The following MTMR3 variants were observed in gnomAD, a reference collection of about 807,000 sequenced individuals.
MTMR3 encodes myotubularin related protein 3.
MTMR3 carries 32 observed loss-of-function variants against 132.4 expected under a neutral mutation model. The observed-to-expected ratio is 0.24, with a 90% CI of 0.18 to 0.32. The LOEUF (loss-of-function observed/expected upper bound fraction) is 0.32. Ranked by LOEUF, MTMR3 falls within the 10% of genes least tolerant of loss-of-function variation. The pLI is 1.00. For missense variants in MTMR3, 1,216 were observed against 1,489.6 expected (o/e 0.82, Z 3.02); for synonymous variants, 556 against 550.3 (o/e 1.01, Z -0.14).
At chr22:29,979,094 AAAGT>A in intron 5 of MTMR3, 42 bp downstream of exon 5, 3 of 1,347,228 alleles carry the variant, frequency 2.2e-6, no homozygotes, top group Non-Finnish European at 2.1e-6. Flanking sequence ...GTAAATGGAG[AAAGT>A]AAGTCAAAAA....
chr22:30,007,544 C>A, intron 10 of MTMR3: 1 of 595,198 alleles, frequency 1.7e-6, no homozygotes, highest in Non-Finnish European at 2.9e-6. Flanking sequence ...TCTTTCTTGC[C>A]ATTGTGACAA....
chr22:29,983,471 A>G (rs967744881), intron 5 of MTMR3: 12 of 151,626 alleles, frequency 7.9e-5, no homozygotes, highest in African/African-American at 2.9e-4. Context: ...GTTAGCCACC[A>G]CACCCTGCTG....
rs77551124 is a variant in MTMR3 at position 29,909,408 on chromosome 22, A to G, written c.-138+26049A>G. Among the ~76,000 whole-genome samples, 745 of 152,142 alleles carry G rather than the reference A, an allele frequency of 4.9e-3. 5 individuals are homozygous for G. The highest frequency in any genetic ancestry group is 0.017 in the African/African-American group (713 of 41,492). ...TTTCTCTTGTTTTTGTATTTGCTGT[A>G]TATGTGTTGTTCCTACTTAATTTCT... On this transcript the variant is annotated intron_variant, in intron 1 of 19. Coordinates refer to ENST00000401950, the MANE Select transcript of MTMR3 (RefSeq NM_021090.4).
chr22:30,013,803 G>A (rs369143290), intron 14 of MTMR3: 1 of 323,718 alleles, frequency 3.1e-6, no homozygotes, highest in South Asian at 3.0e-5. Flanking sequence ...CTAAATAGCA[G>A]TTAGAAATAG....
intron 1 of MTMR3, among the ~76,000 whole-genome samples, chr22:29,945,493 A>C (rs1371997086): frequency 6.6e-6 from 1 of 151,874 alleles, no homozygotes; most frequent in African/African-American, 2.4e-5. Context: ...GCTTGAAGCT[A>C]GTTTGACACC....
At position 30,022,638 on chromosome 22, in the gene MTMR3, C is replaced by T. The variant is rs781455458; in HGVS notation, c.3366C>T (p.Ala1122=). 8 of 1,612,782 alleles carry T rather than the reference C, an allele frequency of 5.0e-6. No individual in the cohort carries two copies. The highest frequency in any genetic ancestry group is 2.7e-5 in the African/African-American group (2 of 74,924). Residue 1122 remains alanine, a synonymous_variant, in exon 19 of 20, where the codon GCC becomes GCT. Coordinates refer to ENST00000401950, the MANE Select transcript of MTMR3 (RefSeq NM_021090.4). ...EMTRWLPDHL[A]AHCYACDSAF... ...CCCGTTGGCTTCCTGACCACCTGGC[C>T]GCCCACTGCTATGCGTGCGACAGTG...
chr22:29,924,827 G>C (rs917409611), intron 1 of MTMR3, among the ~76,000 whole-genome samples: 2 of 151,986 alleles, frequency 1.3e-5, no homozygotes, highest in African/African-American at 4.8e-5. Flanking sequence ...ATTGTAAATG[G>C]AATTTGTTAA....
At chr22:29,935,877 C>G (rs942706599) in intron 1 of MTMR3, among the ~76,000 whole-genome samples, 1 of 151,958 alleles carries the variant, frequency 6.6e-6, no homozygotes, top group African/African-American at 2.4e-5. Context: ...CTCAGCCTCC[C>G]GAGTAGCTGG....
chr22:29,997,226 AAATGTAT>A (rs1254868233), intron 7 of MTMR3: 1 of 152,188 alleles, frequency 6.6e-6, no homozygotes, highest in Non-Finnish European at 1.5e-5. Context: ...CTCCTTCAGG[AAATGTAT>A]AATACCTAGC....
intron 12 of MTMR3, 120 bp from the exon 13 acceptor site, chr22:30,012,248 G>C: frequency 9.2e-7 from 1 of 1,084,424 alleles, no homozygotes; most frequent in East Asian, 2.5e-5. Context: ...TTTTGTTTTG[G>C]CAGTGTTATA....
At position 30,002,963 on chromosome 22, in the gene MTMR3, C is replaced by A; in HGVS notation, c.641C>A (p.Ser214Tyr). Residue 214 changes from serine to tyrosine, a missense_variant, in exon 9 of 20, where the codon TCC becomes TAC. This residue lies in a region of MTMR3 where 129 missense variants were observed against 245.7 expected (regional missense o/e 0.53). Transcript: ENST00000401950. ...CTGGAAAGTGTATCAAGTTTCAGGT[C>A]CTGGAAGCGCATCCCTGCCGTCATC... ...KELESVSSFR[S>Y]WKRIPAVIYR... The A allele has an allele frequency of 6.2e-7, 1 of 1,614,042 alleles. No individual in the cohort carries two copies. Among genetic ancestry groups the A allele is most frequent in the Middle Eastern group, 1.7e-4 (1 of 6,060 alleles).
rs2067993756 is a variant in MTMR3 at position 30,030,614 on chromosome 22, G to C, written c.*4813G>C. 1 of 132,168 alleles carries C rather than the reference G, an allele frequency of 7.6e-6. No individual in the cohort carries two copies. The highest frequency in any genetic ancestry group is 1.6e-5 in the Non-Finnish European group (1 of 63,042). The allele number at this position is 132,168 out of a possible 1,614,324, so 8.2% of individuals were successfully genotyped here. ...TGAATCAGCTCAGCCTCTTAGGAGA[G>C]AGGGGCTCTCAGCGAGGAGGGGGCG... On this transcript the variant is annotated 3_prime_UTR_variant, in exon 20 of 20. Transcript: ENST00000401950.
Position 30,020,758 on chromosome 22 carries a change from G to A in MTMR3, c.3099G>A (p.Gln1033=). ...ACACGATCCAACAGCGCCTGCGTCA[G>A]ATTGAGTCAGGCCACCAGCAGGAAG... ...YTDTIQQRLR[Q]IESGHQQEVE... Residue 1033 remains glutamine (Q), a synonymous_variant, in exon 17 of 20, where the codon CAG becomes CAA. Transcript: ENST00000401950. The A allele has an allele frequency of 1.9e-6, 3 of 1,614,216 alleles. No homozygotes were observed. The highest frequency in any genetic ancestry group is 1.1e-5 in the South Asian group (1 of 91,086).
At chr22:29,939,527 A>T (rs967908807) in intron 1 of MTMR3, among the ~76,000 whole-genome samples, 2 of 152,246 alleles carry the variant, frequency 1.3e-5, no homozygotes, top group African/African-American at 4.8e-5. Context: ...CAAAAGCCAT[A>T]TGCTTGTTTT....
chr22:29,956,340 G>A (rs1233993658), intron 1 of MTMR3, among the ~76,000 whole-genome samples: 1 of 152,020 alleles, frequency 6.6e-6, no homozygotes, highest in African/African-American at 2.4e-5. Context: ...TCCACGTCTC[G>A]TGTTCAAGTA....
At chr22:30,018,958 C>T (rs909759099) in intron 16 of MTMR3, 1 of 152,508 alleles carries the variant, frequency 6.6e-6, no homozygotes, top group African/African-American at 2.4e-5. Context: ...AATCCCAGCA[C>T]TTTGGGAGGC....
At position 30,003,250 on chromosome 22, in the gene MTMR3, A is replaced by G. The variant is rs737910; in HGVS notation, c.671+257A>G. The G allele has an allele frequency of 3.9e-3, 1,353 of 342,738 alleles. 9 individuals carry two copies. The highest frequency in any genetic ancestry group is 5.9e-3 in the Non-Finnish European group (1,097 of 186,896). 21.2% of individuals were successfully genotyped at this position (342,738 alleles called of 1,614,324 possible). On this transcript the variant is annotated intron_variant, in intron 9 of 19. Coordinates refer to ENST00000401950, the MANE Select transcript of MTMR3 (RefSeq NM_021090.4). The stretch of plus-strand genomic sequence containing the variant: ...TAAAGTGGCTGGACTTGCTATTTCA[A>G]TATCCTTCTTACATTCTGTGAGAAG...
intron 1 of MTMR3, among the ~76,000 whole-genome samples, chr22:29,951,743 A>C (rs2066083990): frequency 6.6e-6 from 1 of 152,202 alleles, no homozygotes; most frequent in Admixed American, 6.5e-5. Flanking sequence ...ATGAAGAATA[A>C]ACAACATACT....
intron 1 of MTMR3, among the ~76,000 whole-genome samples, chr22:29,923,104 C>G (rs903873758): frequency 6.6e-6 from 1 of 150,528 alleles, no homozygotes; most frequent in Non-Finnish European, 1.5e-5. Context: ...TGCAGTGGCG[C>G]CATCTCGGCT....
Sources: gnomAD v4.1 joint callset for allele counts (sites outside exome capture counted in the v4.1 genomes callset) on GRCh38, gnomAD v4.1.1 for gene constraint, gnomAD v4.1.1 regional missense constraint, MANE v1.5 for transcripts, NCBI Gene and HGNC (gene_info 2026-07-23, HGNC 2026-07-21) for gene names.